DYTN: variants seen among roughly 807,000 people sequenced by gnomAD.
DYTN encodes dystrotelin.
In DYTN, 75 loss-of-function variants were observed where a neutral mutation model predicts 69.6. The ratio of observed to expected loss-of-function variants is 1.08; its 90% confidence interval spans 0.89 to 1.31. The LOEUF (loss-of-function observed/expected upper bound fraction) is 1.31, where lower values mean the gene tolerates loss of function less well. Ranked by LOEUF, DYTN falls within the 50% of genes most tolerant of loss-of-function variation. The pLI is 0.00. For missense variants in DYTN, 726 were observed against 688.4 expected (o/e 1.05, Z -0.61); for synonymous variants, 252 against 249.1 (o/e 1.01, Z -0.11).
intron 2 of DYTN, among the ~76,000 whole-genome samples, chr2:206,709,706 T>C (rs1700061987): frequency 6.6e-6 from 1 of 152,210 alleles, no homozygotes; most frequent in Non-Finnish European, 1.5e-5. Context: ...CAGCCTTCAG[T>C]AGAAATGTCA....
At chr2:206,678,669 A>G (rs1699717596) in intron 9 of DYTN, among the ~76,000 whole-genome samples, 2 of 152,338 alleles carry the variant, frequency 1.3e-5, no homozygotes, top group South Asian at 2.1e-4. Flanking sequence ...AACTATAGAG[A>G]ACTATATAAT....
chr2:206,694,701 T>C lies in DYTN; in HGVS notation c.831+65A>G, dbSNP rs1699901063. On this transcript the variant is annotated intron_variant, in intron 8 of 11. Coordinates refer to ENST00000452335, the MANE Select transcript of DYTN (RefSeq NM_001093730.1). ...TGTGGTTTCACTGGAGGGAAGGTTT[T>C]TTCATGGCTATAGCTTATACTGAAT... 4 of 1,346,452 alleles carry C rather than the reference T, an allele frequency of 3.0e-6. No individual in the cohort carries two copies. The South Asian group carries it at 6.7e-5, about 23-fold the overall frequency. 83.4% of individuals were successfully genotyped at this position (1,346,452 alleles called of 1,614,324 possible).
At chr2:206,664,294 AGT>A (rs1382897970) in intron 10 of DYTN, among the ~76,000 whole-genome samples, 1 of 152,214 alleles carries the variant, frequency 6.6e-6, no homozygotes, top group Admixed American at 6.5e-5. Flanking sequence ...TTTGTCAAAC[AGT>A]TTCTCAAAAA....
intron 10 of DYTN, among the ~76,000 whole-genome samples, chr2:206,664,082 A>T (rs1304507149): frequency 6.6e-6 from 1 of 152,184 alleles, no homozygotes; most frequent in Non-Finnish European, 1.5e-5. Flanking sequence ...GGAAAAAAAA[A>T]AAAGCCAGTT....
chr2:206,700,091 A>T (rs1219474450), intron 6 of DYTN, 54 bp downstream of exon 6: 5 of 1,607,054 alleles, frequency 3.1e-6, no homozygotes, highest in Non-Finnish European at 4.3e-6. Context: ...TCAGCAAACT[A>T]TCCCAATACA....
intron 9 of DYTN, among the ~76,000 whole-genome samples, chr2:206,672,681 TCTGA>T (rs1308601243): frequency 2.0e-5 from 3 of 152,390 alleles, no homozygotes; most frequent in East Asian, 3.9e-4. Context: ...CCAGTTTTTC[TCTGA>T]CTATTACAGA....
chr2:206,706,098 A>G (rs771411753), intron 3 of DYTN, among the ~76,000 whole-genome samples: 1 of 152,216 alleles, frequency 6.6e-6, no homozygotes, highest in Non-Finnish European at 1.5e-5. Flanking sequence ...CAAAATATGT[A>G]TTGGATGCCT....
In DYTN at chr2:206,651,845, A is replaced by T. The variant is rs1254313301; in HGVS notation, c.1710T>A (p.Asp570Glu). ...ACTTCAAATTGGGCAAGGCAATTTGATCAACAAGGGCAGAGAAGGCCCTGC... is the reference window on the plus strand; with the variant it reads ...ACTTCAAATTGGGCAAGGCAATTTGTTCAACAAGGGCAGAGAAGGCCCTGC... ...RVCRAFSALV[D>E]QIALPNLK Residue 570 changes from aspartate (D) to glutamate (E), a missense_variant, in exon 12 of 12, where the codon GAT becomes GAA. Asp to Glu is a conservative substitution (Grantham distance 45). Coordinates refer to ENST00000452335, the MANE Select transcript of DYTN (RefSeq NM_001093730.1). 1.9e-5 allele frequency: 31 copies of T among 1,613,520 alleles called. No homozygotes were observed. The highest frequency in any genetic ancestry group is 2.5e-5 in the Non-Finnish European group (29 of 1,179,638).
At chr2:206,713,979 C>T (rs1204977356) in intron 1 of DYTN, among the ~76,000 whole-genome samples, 1 of 152,148 alleles carries the variant, frequency 6.6e-6, no homozygotes, top group East Asian at 1.9e-4. Flanking sequence ...TTGGAACAGG[C>T]CCTGAGCAAA....
chr2:206,707,100 A>C (rs866074757), intron 3 of DYTN, among the ~76,000 whole-genome samples: 4 of 152,116 alleles, frequency 2.6e-5, no homozygotes, highest in Non-Finnish European at 2.9e-5. Flanking sequence ...TCTTTTTGCT[A>C]TCCATGGGTC....
At chr2:206,704,366 G>C (rs1700004741) in intron 5 of DYTN, among the ~76,000 whole-genome samples, 1 of 152,218 alleles carries the variant, frequency 6.6e-6, no homozygotes, top group Non-Finnish European at 1.5e-5. Context: ...CAGAAGTCAG[G>C]CATGGAGAAC....
intron 8 of DYTN, among the ~76,000 whole-genome samples, chr2:206,693,839 G>A (rs562486215): frequency 3.9e-5 from 6 of 152,264 alleles, no homozygotes; most frequent in East Asian, 3.9e-4. Flanking sequence ...AATTTAAAGC[G>A]TAATAACAAA....
rs751556654 is a variant in DYTN, at chr2:206,651,673, G to A, written c.*145C>T. The A allele has an allele frequency of 2.6e-5, 17 of 665,104 alleles. No individual in the cohort carries two copies. The highest frequency in any genetic ancestry group is 3.4e-5 in the Non-Finnish European group (13 of 387,990). 41.2% of individuals were successfully genotyped at this position (665,104 alleles called of 1,614,324 possible). A position where few individuals can be genotyped will look rare whatever the true frequency, so the allele number is the denominator to read the frequency against. On this transcript the variant is annotated 3_prime_UTR_variant, in exon 12 of 12. Transcript: ENST00000452335. ...CTGCAGAACTAAGATACATAAGTAG[G>A]GAGGGAGATCAAAAAACAAAACCTG... is the stretch of plus-strand genomic sequence containing the variant.
intron 9 of DYTN, among the ~76,000 whole-genome samples, chr2:206,667,281 G>A (rs1464951367): frequency 1.3e-5 from 2 of 151,958 alleles, no homozygotes; most frequent in Non-Finnish European, 1.5e-5. Flanking sequence ...GGAGCTCCTC[G>A]CTCCTCTTTG....
At chr2:206,677,407 T>C (rs1039189086) in intron 9 of DYTN, among the ~76,000 whole-genome samples, 5 of 151,842 alleles carry the variant, frequency 3.3e-5, no homozygotes, top group African/African-American at 1.2e-4. Flanking sequence ...CTGAGCTGAA[T>C]AGATAGCATT....
chr2:206,706,506 A>G (rs1342398739), intron 3 of DYTN, among the ~76,000 whole-genome samples: 1 of 152,112 alleles, frequency 6.6e-6, no homozygotes, highest in East Asian at 1.9e-4. Context: ...AAAAAAAAAA[A>G]AAACTAGAAG....
At chr2:206,685,877 C>T (rs1457962854) in intron 9 of DYTN, among the ~76,000 whole-genome samples, 1 of 151,742 alleles carries the variant, frequency 6.6e-6, no homozygotes, top group Non-Finnish European at 1.5e-5. Context: ...CAGCACCAGC[C>T]AAATCCCCTT....
chr2:206,692,135 A>G (rs867072510), intron 9 of DYTN, among the ~76,000 whole-genome samples: 6 of 151,940 alleles, frequency 3.9e-5, no homozygotes, highest in Non-Finnish European at 8.8e-5. Context: ...ATAAAAATTC[A>G]GCGAGCATGG....
chr2:206,682,845 T>C (rs1472199627), intron 9 of DYTN, among the ~76,000 whole-genome samples: 1 of 152,198 alleles, frequency 6.6e-6, no homozygotes, highest in African/African-American at 2.4e-5. Flanking sequence ...GGCAATCTTA[T>C]TCTTCTACTT....
Sources: gnomAD v4.1 joint callset for allele counts (sites outside exome capture counted in the v4.1 genomes callset) on GRCh38, gnomAD v4.1.1 for gene constraint, MANE v1.5 for transcripts, NCBI Gene and HGNC (gene_info 2026-07-23, HGNC 2026-07-21) for gene names.